The following DRC11 variants were observed in gnomAD, a reference collection of about 807,000 sequenced individuals.
DRC11 encodes the protein dynein regulatory complex subunit 11.
the DRC11 span, among the ~76,000 whole-genome samples, chr2:236,501,361 A>C: frequency 6.6e-6 from 1 of 152,152 alleles, no homozygotes; most frequent in Non-Finnish European, 1.5e-5. Context: ...CAGAACACAC[A>C]TTGACTCCTG....
the DRC11 span, among the ~76,000 whole-genome samples, chr2:236,447,498 C>G: frequency 5.3e-5 from 8 of 151,942 alleles, 1 homozygote; most frequent in South Asian, 2.1e-4. This position sits in a 1 kb window ranked among gnomAD's most constrained non-coding sequence, Gnocchi z 4.6. Flanking sequence ...ATGGGACTTA[C>G]GTTTTAAGAG....
chr2:236,401,637 A>G, the DRC11 span, among the ~76,000 whole-genome samples: 1 of 152,212 alleles, frequency 6.6e-6, no homozygotes, highest in African/African-American at 2.4e-5. This position sits in a 1 kb window ranked among gnomAD's most constrained non-coding sequence, Gnocchi z 4.6. Flanking sequence ...AGGAAGCGTG[A>G]AGACCTAGGC....
At chr2:236,382,536 C>T in the DRC11 span, among the ~76,000 whole-genome samples, 1 of 152,012 alleles carries the variant, frequency 6.6e-6, no homozygotes, top group Non-Finnish European at 1.5e-5. Flanking sequence ...TAAAAATATC[C>T]TAATGGACAT....
chr2:236,376,920 A>T, the DRC11 span, among the ~76,000 whole-genome samples: 2 of 152,254 alleles, frequency 1.3e-5, no homozygotes, highest in African/African-American at 4.8e-5. This position sits in a 1 kb window ranked among gnomAD's most constrained non-coding sequence, Gnocchi z 5.7. Flanking sequence ...AGAATCTGTT[A>T]GTCCACAGCA....
At chr2:236,414,671 G>A in the DRC11 span, among the ~76,000 whole-genome samples, 2 of 152,030 alleles carry the variant, frequency 1.3e-5, no homozygotes, top group African/African-American at 2.4e-5. Flanking sequence ...AGCTGAAGAC[G>A]AACATCCCAG....
the DRC11 span, among the ~76,000 whole-genome samples, chr2:236,393,772 C>T: frequency 2.0e-5 from 3 of 152,140 alleles, no homozygotes; most frequent in Non-Finnish European, 4.4e-5. The surrounding 1 kb of genome is among the most constrained non-coding windows in gnomAD (Gnocchi z 4.7). Flanking sequence ...ATAGGCAGGA[C>T]AATTGTCCCG....
At chr2:236,491,007 GTATATATGTGTA>G in the DRC11 span, among the ~76,000 whole-genome samples, 1 of 130,530 alleles carries the variant, frequency 7.7e-6, no homozygotes, top group East Asian at 2.1e-4. Context: ...TATATTGTGT[GTATATATGTGTA>G]TATATATGTG....
chr2:236,478,399 A>G, the DRC11 span, among the ~76,000 whole-genome samples: 1 of 152,334 alleles, frequency 6.6e-6, no homozygotes, highest in South Asian at 2.1e-4. The surrounding 1 kb of genome is among the most constrained non-coding windows in gnomAD (Gnocchi z 5.9). Flanking sequence ...CATTGTCATC[A>G]GAAAAAATAC....
chr2:236,411,527 C>T, the DRC11 span, among the ~76,000 whole-genome samples: 16 of 152,072 alleles, frequency 1.1e-4, 1 homozygote, highest in South Asian at 3.3e-3. Flanking sequence ...ACCATTTGAC[C>T]CAGCCATCCC....
chr2:236,354,357 G>A, the DRC11 span, among the ~76,000 whole-genome samples: 1 of 139,184 alleles, frequency 7.2e-6, no homozygotes, highest in East Asian at 2.0e-4. Flanking sequence ...GTGTGTGGGG[G>A]GCAGGTTGGT....
chr2:236,473,625 A>C, the DRC11 span, among the ~76,000 whole-genome samples: 2 of 152,208 alleles, frequency 1.3e-5, no homozygotes, highest in African/African-American at 2.4e-5. This position sits in a 1 kb window ranked among gnomAD's most constrained non-coding sequence, Gnocchi z 4.8. Context: ...TTTCAAAGGG[A>C]TCCACAAAAT....
the DRC11 span, chr2:236,331,317 A>C: frequency 7.5e-7 from 1 of 1,331,360 alleles, no homozygotes; most frequent in Non-Finnish European, 1.1e-6. This position sits in a 1 kb window ranked among gnomAD's most constrained non-coding sequence, Gnocchi z 4.8. Flanking sequence ...CAGCGTGAGG[A>C]GTGTCTGCTG....
the DRC11 span, among the ~76,000 whole-genome samples, chr2:236,357,393 T>TAA: frequency 1.6e-5 from 2 of 124,816 alleles, no homozygotes; most frequent in African/African-American, 6.4e-5. Flanking sequence ...ATAGATATTA[T>TAA]ATAGTATATG....
the DRC11 span, chr2:236,368,612 T>C: frequency 4.6e-6 from 1 of 217,582 alleles, no homozygotes; most frequent in South Asian, 9.7e-5. Context: ...GACAAAGTGC[T>C]AAAAAGAAGG....
At chr2:236,493,504 G>A in the DRC11 span, among the ~76,000 whole-genome samples, 1 of 152,190 alleles carries the variant, frequency 6.6e-6, no homozygotes, top group Non-Finnish European at 1.5e-5. Flanking sequence ...AAACTGCGTT[G>A]ATAATCAACA....
At chr2:236,502,548 C>CAAA in the DRC11 span, among the ~76,000 whole-genome samples, 238 of 15,098 alleles carry the variant, frequency 0.016, 22 homozygotes, top group Non-Finnish European at 0.023. Flanking sequence ...TGCACTCCAG[C>CAAA]AAAAAAAAAA....
At chr2:236,440,184 A>G in the DRC11 span, among the ~76,000 whole-genome samples, 1 of 152,222 alleles carries the variant, frequency 6.6e-6, no homozygotes, top group African/African-American at 2.4e-5. Flanking sequence ...TAGAAATTCA[A>G]ATAAAATGCT....
chr2:236,406,417 T>C, the DRC11 span, among the ~76,000 whole-genome samples: 1 of 152,204 alleles, frequency 6.6e-6, no homozygotes, highest in East Asian at 1.9e-4. The surrounding 1 kb of genome is among the most constrained non-coding windows in gnomAD (Gnocchi z 4.7). Context: ...GGTAGGGCTG[T>C]GGAAAAATTC....
At chr2:236,485,553 A>C in the DRC11 span, among the ~76,000 whole-genome samples, 3 of 152,202 alleles carry the variant, frequency 2.0e-5, no homozygotes, top group African/African-American at 7.2e-5. Context: ...ATGTCCTTTA[A>C]TGAAAACTGA....
Sources: gnomAD v4.1 joint callset for allele counts (sites outside exome capture counted in the v4.1 genomes callset) on GRCh38, gnomAD v4.1.1 for gene constraint, Gnocchi (gnomAD v3.1) non-coding constraint, MANE v1.5 for transcripts, NCBI Gene and HGNC (gene_info 2026-07-23, HGNC 2026-07-21) for gene names.